Variants in CA1 observed in about 807,000 individuals in gnomAD.
The protein encoded by CA1 is carbonate dehydratase I.
CA1 carries 27 observed loss-of-function variants against 28.8 expected under a neutral mutation model. The observed-to-expected ratio is 0.94, with a 90% CI of 0.69 to 1.29. The LOEUF is 1.29. Ranked by LOEUF, CA1 falls within the 50% of genes most tolerant of loss-of-function variation. The pLI is 0.00. For synonymous variants in CA1, 121 were observed against 108.8 expected, an observed-to-expected ratio of 1.11 and a Z score of -0.70; for missense variants, 335 against 310.5, an observed-to-expected ratio of 1.08 and a Z score of -0.59.
At chr8:85,338,608 C>G (rs534188356) in intron 2 of CA1, among the ~76,000 whole-genome samples, 159 bp from the exon 3 acceptor site, 1 of 150,010 alleles carries the variant, frequency 6.7e-6, no homozygotes, top group South Asian at 2.1e-4. Context: ...TGAAGATGTC[C>G]CTTTTCTTTC....
intron 1 of CA1, among the ~76,000 whole-genome samples, chr8:85,346,425 T>G (rs1483103223): frequency 6.6e-6 from 1 of 152,146 alleles, no homozygotes; most frequent in Non-Finnish European, 1.5e-5. Context: ...TTAAGTAACA[T>G]TTTTCACCTA....
chr8:85,328,279 A>T lies in CA1; in HGVS notation c.*281T>A, dbSNP rs1308212389. 1 of 234,458 alleles carries T rather than the reference A, an allele frequency of 4.3e-6. No individual in the cohort carries two copies. The highest frequency in any genetic ancestry group is 8.3e-6 in the Non-Finnish European group (1 of 121,160). The allele number at this position is 234,458 out of a possible 1,614,324, so 14.5% of individuals were successfully genotyped here. On this transcript the variant is annotated 3_prime_UTR_variant, in exon 8 of 8. Transcript: ENST00000523022. ...TTCAAATAAACTGAAAAAAATAGAC[A>T]TACAAATCACTTAGTTGTAATTTTA...
intron 1 of CA1, among the ~76,000 whole-genome samples, chr8:85,359,019 CAG>C (rs1809701247): frequency 6.6e-6 from 1 of 152,182 alleles, no homozygotes; most frequent in African/African-American, 2.4e-5. Context: ...AAACCTGAAA[CAG>C]AGCCGAGGCA....
At chr8:85,372,073 A>G (rs371346918) in intron 1 of CA1, among the ~76,000 whole-genome samples, 2 of 152,176 alleles carry the variant, frequency 1.3e-5, no homozygotes, top group Admixed American at 1.3e-4. Flanking sequence ...ATGGTTTCAC[A>G]TATATTATTT....
chr8:85,362,330 G>T (rs775712672), intron 1 of CA1, among the ~76,000 whole-genome samples: 1 of 152,178 alleles, frequency 6.6e-6, no homozygotes, highest in Non-Finnish European at 1.5e-5. Context: ...AGTCCCTTGT[G>T]TTGTGTAAGA....
At chr8:85,336,257 T>G (rs1296089578) in intron 4 of CA1, among the ~76,000 whole-genome samples, 2 of 152,132 alleles carry the variant, frequency 1.3e-5, no homozygotes, top group Non-Finnish European at 2.9e-5. Flanking sequence ...GAAAGTAAAA[T>G]TAAAAAGTCA....
At chr8:85,352,699 C>T (rs144362705) in intron 1 of CA1, among the ~76,000 whole-genome samples, 10,100 of 149,154 alleles carry the variant, frequency 0.068, 507 homozygotes, top group Non-Finnish European at 0.11. Context: ...CATAGTCTCA[C>T]TCTGTTGCCC....
Position 85,361,347 on chromosome 8 carries a change from C to T in CA1, c.-25+16699G>A, listed in dbSNP as rs750301905. ...AGGTAAGCACTGTATGTGTCAAATA[C>T]GTTTAAAAAGATAATAAAGAAGAAA... On this transcript the variant is annotated intron_variant, in intron 1 of 7. Coordinates refer to ENST00000523022, the MANE Select transcript of CA1 (RefSeq NM_001128831.4). Among the ~76,000 whole-genome samples the T allele has an allele frequency of 9.2e-5, 14 of 152,204 alleles. No individual in the cohort carries two copies. The South Asian group carries it at 1.5e-3, about 16-fold the overall frequency.
At chr8:85,344,215 TTATATTATATACAG>T (rs1288687842) in intron 1 of CA1, among the ~76,000 whole-genome samples, 1 of 64,006 alleles carries the variant, frequency 1.6e-5, no homozygotes, top group Non-Finnish European at 2.7e-5. Flanking sequence ...TATAATATAA[TTATATTATATACAG>T]TATATAATAT....
intron 1 of CA1, among the ~76,000 whole-genome samples, chr8:85,373,999 T>C (rs1001979273): frequency 6.6e-6 from 1 of 152,128 alleles, no homozygotes; most frequent in Admixed American, 6.6e-5. Context: ...GTTCTGGAGA[T>C]GATGCGCGAT....
chr8:85,337,303 C>A, intron 3 of CA1: 1 of 496,808 alleles, frequency 2.0e-6, no homozygotes, highest in East Asian at 3.9e-5. Context: ...GCCACACGAG[C>A]TACAATTTTA....
At chr8:85,338,578 AT>A in intron 2 of CA1, 129 bp from the exon 3 acceptor site, 2 of 741,304 alleles carry the variant, frequency 2.7e-6, no homozygotes, top group Non-Finnish European at 4.8e-6. Context: ...TTCTCTTAAG[AT>A]TAATAGAAAT....
chr8:85,333,229 T>C (rs908009300), intron 5 of CA1, among the ~76,000 whole-genome samples: 1 of 152,176 alleles, frequency 6.6e-6, no homozygotes, highest in Admixed American at 6.5e-5. Flanking sequence ...ATCTATGATG[T>C]AGGAAATTTA....
intron 2 of CA1, among the ~76,000 whole-genome samples, chr8:85,339,694 C>T (rs1452450994): frequency 6.6e-6 from 1 of 152,092 alleles, no homozygotes; most frequent in Non-Finnish European, 1.5e-5. Context: ...GCCGTGAATG[C>T]AAAAGAAAAG....
chr8:85,339,813 C>A (rs75101250), intron 2 of CA1, among the ~76,000 whole-genome samples: 193 of 152,352 alleles, frequency 1.3e-3, no homozygotes, highest in African/African-American at 4.1e-3. Context: ...GATAGAAGAT[C>A]AAAAACCAAC....
At chr8:85,340,544 C>A (rs1808872015) in intron 2 of CA1, among the ~76,000 whole-genome samples, 1 of 152,150 alleles carries the variant, frequency 6.6e-6, no homozygotes, top group Non-Finnish European at 1.5e-5. Context: ...GTCTATGGAT[C>A]AAGGAGTAAT....
rs7818079 is a variant in CA1 at position 85,353,214 on chromosome 8, A to G, written c.-24-11555T>C. Among the ~76,000 whole-genome samples the G allele has an allele frequency of 4.3e-3, 655 of 152,370 alleles. 6 individuals are homozygous for G. Among genetic ancestry groups the G allele is most frequent in the African/African-American group, 0.014 (599 of 41,590 alleles). ...ACTAACATGACGCTATAGACTTGCA[A>G]TTCAGCTCACTTGGGTAGCATTTGC... On this transcript the variant is annotated intron_variant, in intron 1 of 7. Coordinates refer to ENST00000523022, the MANE Select transcript of CA1 (RefSeq NM_001128831.4).
At chr8:85,366,830 T>G (rs559970838) in intron 1 of CA1, among the ~76,000 whole-genome samples, 1 of 152,296 alleles carries the variant, frequency 6.6e-6, no homozygotes, top group African/African-American at 2.4e-5. Flanking sequence ...ATATAAAATT[T>G]TTTTGCATCT....
intron 1 of CA1, among the ~76,000 whole-genome samples, chr8:85,348,204 G>A (rs746189775): frequency 6.6e-6 from 1 of 152,050 alleles, no homozygotes; most frequent in Non-Finnish European, 1.5e-5. Flanking sequence ...AAGATTTCTT[G>A]AATTTTTAAT....
Sources: gnomAD v4.1 joint callset for allele counts (sites outside exome capture counted in the v4.1 genomes callset) on GRCh38, gnomAD v4.1.1 for gene constraint, MANE v1.5 for transcripts, NCBI Gene and HGNC (gene_info 2026-07-23, HGNC 2026-07-21) for gene names.